Variants in PALB2 observed in about 807,000 individuals in gnomAD.
PALB2 encodes partner and localizer of BRCA2.
A neutral mutation model predicts 107.4 loss-of-function variants in PALB2; 82 were observed. The ratio of observed to expected loss-of-function variants is 0.76; its 90% CI spans 0.64 to 0.92. The LOEUF (loss-of-function observed/expected upper bound fraction) is 0.92, where lower values mean the gene tolerates loss of function less well. PALB2 is among the 40% of genes least tolerant of loss of function. The pLI is 0.00. For synonymous variants in PALB2, 489 were observed against 496.8 expected (o/e 0.98, Z 0.21); for missense variants, 1,374 against 1,379.9 (o/e 1.00, Z 0.07).
chr16:23,605,783 A>G (rs1255292295), intron 12 of PALB2: 3 of 152,140 alleles, frequency 2.0e-5, no homozygotes, highest in African/African-American at 4.8e-5. Context: ...CTAATCACCA[A>G]TGTGATGGTA....
rs1966959567 is a variant in PALB2, at chr16:23,635,012, A to G, written c.1534T>C (p.Tyr512His). ...KAVAQAPGRR[Y>H]TGKRKSACTP... Reference sequence around the variant, plus strand: ...CAGGCTGATTTTCTTTTTCCTGTGTATCTTCTACCAGGTGCTTGGGCAACT... The same window carrying G: ...CAGGCTGATTTTCTTTTTCCTGTGTGTCTTCTACCAGGTGCTTGGGCAACT... The change falls in exon 4 of 13, where the codon TAC becomes CAC. Residue 512 changes from tyrosine (Y) to histidine (H), a missense_variant. Coordinates refer to ENST00000261584, the MANE Select transcript of PALB2 (RefSeq NM_024675.4). 2 of 1,614,100 alleles carry G rather than the reference A, an allele frequency of 1.2e-6. No individual in the cohort carries two copies. Among genetic ancestry groups the G allele is most frequent in the Non-Finnish European group, 1.7e-6 (2 of 1,180,022 alleles).
intron 8 of PALB2, 70 bp from the exon 9 acceptor site, chr16:23,623,200 C>CTTT (rs754470879): frequency 1.7e-3 from 1,318 of 779,672 alleles, no homozygotes; most frequent in Non-Finnish European, 2.0e-3. Context: ...ACTAGGTTCA[C>CTTT]TTTTTTTTTT....
At chr16:23,605,413 G>C (rs1485082161) in intron 12 of PALB2, among the ~76,000 whole-genome samples, 4 of 151,924 alleles carry the variant, frequency 2.6e-5, no homozygotes, top group Non-Finnish European at 4.4e-5. Flanking sequence ...TGGTTTGTTT[G>C]TTTGTTTGTT....
intron 8 of PALB2, among the ~76,000 whole-genome samples, chr16:23,623,501 CTTTTTTTTTTTTTTTT>C (rs1189941589): frequency 6.4e-5 from 4 of 62,550 alleles, no homozygotes; most frequent in Admixed American, 1.9e-4. Flanking sequence ...CATACCCGGC[CTTTTTTTTTTTTTTTT>C]TTTTTTTTTT....
intron 9 of PALB2, among the ~76,000 whole-genome samples, chr16:23,622,171 T>C (rs1966784030): frequency 6.6e-6 from 1 of 152,184 alleles, no homozygotes; most frequent in South Asian, 2.1e-4. Context: ...ATAGAGAAGA[T>C]GCTGTAAGTT....
chr16:23,611,837 TG>T (rs1257909024), intron 11 of PALB2, among the ~76,000 whole-genome samples: 1 of 152,190 alleles, frequency 6.6e-6, no homozygotes, highest in African/African-American at 2.4e-5. Flanking sequence ...CACTGCAGCC[TG>T]GAACACCTGG....
chr16:23,637,485 T>G (rs1337357708), intron 3 of PALB2, among the ~76,000 whole-genome samples: 1 of 152,072 alleles, frequency 6.6e-6, no homozygotes, highest in South Asian at 2.1e-4. Context: ...GACAGATCAT[T>G]TGAAGCCAGG....
rs876659887 is a variant in PALB2, at chr16:23,635,407, C to T, written c.1139G>A (p.Ser380Asn). ...AGGAGAGGTTGCTTCCAGGCTAAGACTCTTAGGTTGACTTAGAATCTCACT... is the reference window on the plus strand; with the variant it reads ...AGGAGAGGTTGCTTCCAGGCTAAGATTCTTAGGTTGACTTAGAATCTCACT... ...QESEILSQPKSLSLEATSPLS... is the reference protein window; with the variant it reads ...QESEILSQPKNLSLEATSPLS... Residue 380 changes from serine (S) to asparagine (N), a missense_variant, in exon 4 of 13, where the codon AGT (serine) becomes AAT (asparagine). Ser to Asn is a conservative substitution (Grantham distance 46, BLOSUM62 1). Transcript: ENST00000261584. 1.2e-6 allele frequency: 2 copies of T among 1,614,054 alleles called. No individual in the cohort carries two copies. Among genetic ancestry groups the T allele is most frequent in the Non-Finnish European group, 1.7e-6 (2 of 1,179,992 alleles).
In PALB2 at chr16:23,641,166, C is replaced by T. The variant is rs1391314143; in HGVS notation, c.-9G>A. The T allele has an allele frequency of 6.2e-7, 1 of 1,612,202 alleles. No individual in the cohort carries two copies. The highest frequency in any genetic ancestry group is 8.5e-7 in the Non-Finnish European group (1 of 1,179,626). On this transcript the variant is annotated 5_prime_UTR_variant, in exon 1 of 13. Coordinates refer to ENST00000261584, the MANE Select transcript of PALB2 (RefSeq NM_024675.4). ...CCGGGAGGCTCGTCCATCGGGCAGGCGACAGAACGAAAAGAGCAGCCGTCG... is the reference window on the plus strand; with the variant it reads ...CCGGGAGGCTCGTCCATCGGGCAGGTGACAGAACGAAAAGAGCAGCCGTCG...
intron 11 of PALB2, among the ~76,000 whole-genome samples, chr16:23,610,164 A>C (rs1165637787): frequency 2.0e-5 from 3 of 152,196 alleles, no homozygotes; most frequent in Non-Finnish European, 4.4e-5. Context: ...TCTATGGCTG[A>C]TTTGGGGCCA....
intron 11 of PALB2, among the ~76,000 whole-genome samples, chr16:23,612,939 G>A (rs923792239): frequency 6.6e-6 from 1 of 151,658 alleles, no homozygotes; most frequent in African/African-American, 2.4e-5. Flanking sequence ...TTTTAGTAGA[G>A]GTGGGCTTTC....
intron 12 of PALB2, among the ~76,000 whole-genome samples, chr16:23,604,777 A>T (rs904353911): frequency 4.0e-5 from 6 of 149,944 alleles, no homozygotes; most frequent in Middle Eastern, 3.5e-3. Context: ...AAAAAAAAAA[A>T]TTAGCTGTTA....
intron 10 of PALB2, among the ~76,000 whole-genome samples, chr16:23,616,452 G>A (rs942845645): frequency 6.6e-6 from 1 of 152,162 alleles, no homozygotes; most frequent in Non-Finnish European, 1.5e-5. Context: ...GTCCTACAGA[G>A]TTTCATACAT....
At chr16:23,625,045 G>A (rs560685956) in intron 7 of PALB2, among the ~76,000 whole-genome samples, 15 of 152,178 alleles carry the variant, frequency 9.9e-5, no homozygotes, top group South Asian at 2.1e-4. Context: ...GTAAAAACCC[G>A]TCTCTAGGCT....
At chr16:23,638,014 C>T in intron 2 of PALB2, 56 bp downstream of exon 2, 3 of 1,605,314 alleles carry the variant, frequency 1.9e-6, no homozygotes, top group Non-Finnish European at 2.6e-6. Flanking sequence ...GAGTCAAGAA[C>T]TGTTTTTAAA....
chr16:23,611,982 C>T lies in PALB2; in HGVS notation c.3201+2022G>A, dbSNP rs1966596109. Reference sequence around the variant, plus strand: ...TGTTGGATTATATAACATCACACAACTTTTAAATTCAATTCCACAGATCCT... The same window carrying T: ...TGTTGGATTATATAACATCACACAATTTTTAAATTCAATTCCACAGATCCT... On this transcript the variant is annotated intron_variant, in intron 11 of 12. Transcript: ENST00000261584. 2.0e-5 allele frequency among the ~76,000 whole-genome samples: 3 copies of T among 152,198 alleles called. No individual in the cohort carries two copies. The South Asian group carries it at 6.2e-4, about 32-fold the overall frequency.
At chr16:23,614,703 T>G (rs1328074233) in intron 10 of PALB2, among the ~76,000 whole-genome samples, 4 of 133,272 alleles carry the variant, frequency 3.0e-5, no homozygotes, top group African/African-American at 1.2e-4. Context: ...CAGGCTGGAG[T>G]GCAGTGGCGG....
chr16:23,624,415 A>T (rs1966832336), intron 7 of PALB2, among the ~76,000 whole-genome samples: 1 of 152,204 alleles, frequency 6.6e-6, no homozygotes, highest in African/African-American at 2.4e-5. Flanking sequence ...CTGAACAAAT[A>T]TTTATTGGGC....
chr16:23,614,083 T>G lies in PALB2; in HGVS notation c.3122A>C (p.Lys1041Thr), dbSNP rs781663559. ...IMNNIVIWNLKTGQLLKKMHI... is the reference protein window; with the variant it reads ...IMNNIVIWNLTTGQLLKKMHI... ...CATCTTTTTCAGGAGTTGACCAGTTTTTAAATTCCTTAGATAACAAAAATA... is the reference window on the plus strand; with the variant it reads ...CATCTTTTTCAGGAGTTGACCAGTTGTTAAATTCCTTAGATAACAAAAATA... Residue 1041 changes from lysine (K) to threonine (T), a missense_variant, in exon 11 of 13, where the codon AAA becomes ACA. By Grantham distance (78) the Lys-to-Thr change is moderately conservative (BLOSUM62 -1). Coordinates refer to ENST00000261584, the MANE Select transcript of PALB2 (RefSeq NM_024675.4). The G allele has an allele frequency of 2.5e-6, 4 of 1,606,954 alleles. No individual in the cohort carries two copies. The highest frequency in any genetic ancestry group is 3.4e-6 in the Non-Finnish European group (4 of 1,173,770).
Sources: gnomAD v4.1 joint callset for allele counts (sites outside exome capture counted in the v4.1 genomes callset) on GRCh38, gnomAD v4.1.1 for gene constraint, MANE v1.5 for transcripts, NCBI Gene and HGNC (gene_info 2026-07-23, HGNC 2026-07-21) for gene names.